MBNL1: variants seen among roughly 807,000 people sequenced by gnomAD.
MBNL1 encodes muscleblind like splicing regulator 1, also known as muscleblind-like protein 1.
MBNL1 carries 8 observed loss-of-function variants against 42.2 expected under a neutral mutation model. The observed-to-expected ratio is 0.19, with a 90% CI of 0.11 to 0.34. The LOEUF (loss-of-function observed/expected upper bound fraction) is 0.34, where lower values mean the gene tolerates loss of function less well. MBNL1 is among the 10% of genes least tolerant of loss of function. The pLI is 1.00. For missense variants in MBNL1, 309 were observed against 495.3 expected, an observed-to-expected ratio of 0.62 and a Z score of 3.57; for synonymous variants, 169 against 173.9, an observed-to-expected ratio of 0.97 and a Z score of 0.22.
chr3:152,393,913 T>C (rs2097822924), intron 2 of MBNL1, among the ~76,000 whole-genome samples: 1 of 152,220 alleles, frequency 6.6e-6, no homozygotes, highest in Non-Finnish European at 1.5e-5. Context: ...GATATGAAAT[T>C]ATTTTAAATA....
chr3:152,342,553 A>AACACACACACAC (rs111644138), intron 2 of MBNL1, among the ~76,000 whole-genome samples: 3,202 of 146,046 alleles, frequency 0.022, 56 homozygotes, highest in East Asian at 0.068. Flanking sequence ...AACTAAACAA[A>AACACACACACAC]ACACACACAC....
chr3:152,269,782 A>G (rs745610015), intron 1 of MBNL1: 4 of 203,270 alleles, frequency 2.0e-5, no homozygotes, highest in Non-Finnish European at 4.1e-5. Flanking sequence ...AAGAAAAGTA[A>G]GTATAGAAGC....
intron 2 of MBNL1, among the ~76,000 whole-genome samples, chr3:152,315,528 C>T (rs753910197): frequency 1.3e-5 from 2 of 151,892 alleles, no homozygotes; most frequent in African/African-American, 4.8e-5. Context: ...AGTTTTGTTT[C>T]GTATTTGATA....
intron 3 of MBNL1, among the ~76,000 whole-genome samples, chr3:152,425,399 G>A (rs2098909046): frequency 6.6e-6 from 1 of 151,978 alleles, no homozygotes; most frequent in South Asian, 2.1e-4. Context: ...CAGGGCAGCC[G>A]AGATCAAGAC....
At chr3:152,339,381 G>A (rs1334318688) in intron 2 of MBNL1, among the ~76,000 whole-genome samples, 1 of 152,162 alleles carries the variant, frequency 6.6e-6, no homozygotes, top group Non-Finnish European at 1.5e-5. Context: ...ATGATGGGTA[G>A]GGGAGAGAGA....
intron 2 of MBNL1, among the ~76,000 whole-genome samples, chr3:152,383,971 G>A (rs1304543363): frequency 6.6e-6 from 1 of 151,970 alleles, no homozygotes; most frequent in Non-Finnish European, 1.5e-5. Flanking sequence ...TTACCTATTA[G>A]ATATATTATT....
chr3:152,265,328 C>T (rs1309629735), upstream of MBNL1: 2 of 151,384 alleles, frequency 1.3e-5, no homozygotes, highest in African/African-American at 4.9e-5. Flanking sequence ...ATAAAAATAG[C>T]ATTTTAAAAG....
chr3:152,299,861 C>A lies in MBNL1; in HGVS notation c.-333C>A. 2.5e-6 allele frequency: 1 copy of A among 402,332 alleles called. No individual in the cohort carries two copies. The highest frequency in any genetic ancestry group is 4.4e-6 in the Non-Finnish European group (1 of 228,538). 24.9% of individuals were successfully genotyped at this position (402,332 alleles called of 1,614,324 possible). A position where few individuals can be genotyped will look rare whatever the true frequency, so the allele number is the denominator to read the frequency against. ...CGTTTTCATGCTTGCATTTTGGGCT[C>A]CAAATTGGCACTGGGAAGGGGTTAC... On this transcript the variant is annotated 5_prime_UTR_variant, in exon 2 of 10. Coordinates refer to ENST00000324210, the MANE Select transcript of MBNL1 (RefSeq NM_021038.5).
chr3:152,305,336 T>G (rs934367877), intron 2 of MBNL1, among the ~76,000 whole-genome samples: 2 of 152,142 alleles, frequency 1.3e-5, no homozygotes, highest in African/African-American at 4.8e-5. Flanking sequence ...GAAGCTTATC[T>G]TGTCATTTTC....
chr3:152,418,984 G>T (rs1446885095), intron 3 of MBNL1, among the ~76,000 whole-genome samples: 1 of 152,062 alleles, frequency 6.6e-6, no homozygotes, highest in East Asian at 1.9e-4. Context: ...TCAGAGTGCT[G>T]GGATTACAGG....
intron 9 of MBNL1, 62 bp downstream of exon 9, chr3:152,459,407 G>T: frequency 1.1e-6 from 1 of 891,812 alleles, no homozygotes; most frequent in Non-Finnish European, 1.6e-6. Context: ...GATAGCAATT[G>T]TATAGTGCAC....
intron 2 of MBNL1, among the ~76,000 whole-genome samples, chr3:152,365,708 C>T (rs2096314790): frequency 6.6e-6 from 1 of 151,958 alleles, no homozygotes; most frequent in African/African-American, 2.4e-5. Context: ...TTGATAGAAA[C>T]AGAACTATAT....
intron 1 of MBNL1, among the ~76,000 whole-genome samples, chr3:152,278,230 T>C (rs917307135): frequency 6.6e-6 from 1 of 152,148 alleles, no homozygotes; most frequent in Non-Finnish European, 1.5e-5. Context: ...TTATTTGAAC[T>C]TCATTGCTGT....
chr3:152,349,764 G>C (rs1449040760), intron 2 of MBNL1, among the ~76,000 whole-genome samples: 1 of 151,930 alleles, frequency 6.6e-6, no homozygotes, highest in African/African-American at 2.4e-5. Context: ...TTGTCTGTGT[G>C]TGTGTGTGTA....
intron 1 of MBNL1, among the ~76,000 whole-genome samples, chr3:152,294,298 T>C (rs1462326746): frequency 7.7e-6 from 1 of 129,866 alleles, no homozygotes; most frequent in African/African-American, 2.9e-5. Flanking sequence ...TTTTTTTTTT[T>C]TTTGAGGCAG....
chr3:152,368,562 A>G (rs2096529877), intron 2 of MBNL1, among the ~76,000 whole-genome samples: 1 of 152,184 alleles, frequency 6.6e-6, no homozygotes, highest in Non-Finnish European at 1.5e-5. Flanking sequence ...AGGCAGTGGT[A>G]GCTTGATGGG....
intron 2 of MBNL1, among the ~76,000 whole-genome samples, chr3:152,245,380 G>A (rs2032668131): frequency 6.6e-6 from 1 of 152,142 alleles, no homozygotes; most frequent in East Asian, 1.9e-4. Flanking sequence ...AGAAAAATCT[G>A]TTTAAGTGAA....
At chr3:152,340,822 C>T in intron 2 of MBNL1, 1 of 1,613,962 alleles carries the variant, frequency 6.2e-7, no homozygotes, top group South Asian at 1.1e-5. Flanking sequence ...TGCATAACCA[C>T]TGATCCCACC....
chr3:152,381,408 T>G (rs564985717), intron 2 of MBNL1, among the ~76,000 whole-genome samples: 1 of 151,948 alleles, frequency 6.6e-6, no homozygotes, highest in Non-Finnish European at 1.5e-5. Context: ...ACAAACGCTG[T>G]CCATAAGTGC....
Sources: gnomAD v4.1 joint callset for allele counts (sites outside exome capture counted in the v4.1 genomes callset) on GRCh38, gnomAD v4.1.1 for gene constraint, MANE v1.5 for transcripts, NCBI Gene and HGNC (gene_info 2026-07-23, HGNC 2026-07-21) for gene names.